GALNT18: variants seen among roughly 807,000 people sequenced by gnomAD.
GALNT18 encodes GalNAc-transferase 18.
In GALNT18, 44 loss-of-function variants were observed where a neutral mutation model predicts 69.5. The ratio of observed to expected loss-of-function variants is 0.63; its 90% CI spans 0.50 to 0.81. The LOEUF is 0.81. GALNT18 is among the 40% of genes least tolerant of loss of function. The pLI is 0.00. For missense variants in GALNT18, 715 were observed against 810.0 expected, an observed-to-expected ratio of 0.88 and a Z score of 1.42; for synonymous variants, 364 against 318.2, an observed-to-expected ratio of 1.14 and a Z score of -1.53.
At chr11:11,428,108 C>T (rs577248233) in intron 3 of GALNT18, among the ~76,000 whole-genome samples, 3 of 152,336 alleles carry the variant, frequency 2.0e-5, no homozygotes, top group East Asian at 1.9e-4. Flanking sequence ...TTAGTTGAAC[C>T]GAGCTGAGTT....
At chr11:11,329,676 G>A (rs1040106140) in intron 8 of GALNT18, among the ~76,000 whole-genome samples, 12 of 152,214 alleles carry the variant, frequency 7.9e-5, no homozygotes, top group Non-Finnish European at 5.9e-5. Flanking sequence ...TCATCAGACT[G>A]GGTCTCAGTC....
At chr11:11,492,503 T>C (rs149976993) in intron 1 of GALNT18, among the ~76,000 whole-genome samples, 106 of 152,274 alleles carry the variant, frequency 7.0e-4, no homozygotes, top group African/African-American at 2.4e-3. Context: ...AATCCAAATG[T>C]CCATCAATGA....
At position 11,444,359 on chromosome 11, in the gene GALNT18, C is replaced by T. The variant is rs967327499; in HGVS notation, c.428+4385G>A. Among the ~76,000 whole-genome samples the T allele has an allele frequency of 6.6e-5, 10 of 152,226 alleles. No individual in the cohort carries two copies. Among genetic ancestry groups the T allele is most frequent in the African/African-American group, 1.9e-4 (8 of 41,456 alleles). ...AAAGCCTGCGAGGACAAGTCCTCCC[C>T]GCCACGGAGCCTGGGAAATGGTCAG... On this transcript the variant is annotated intron_variant, in intron 2 of 10. Transcript: ENST00000227756. This position sits in a 1 kb window ranked among gnomAD's most constrained non-coding sequence, Gnocchi z 4.4.
At chr11:11,375,036 G>T (rs557702819) in intron 5 of GALNT18, among the ~76,000 whole-genome samples, 2 of 152,196 alleles carry the variant, frequency 1.3e-5, no homozygotes, top group Non-Finnish European at 2.9e-5. Context: ...TTCTCACGTG[G>T]ATTTTCTTAA....
intron 8 of GALNT18, among the ~76,000 whole-genome samples, chr11:11,330,998 G>A (rs531208662): frequency 5.8e-4 from 89 of 152,300 alleles, no homozygotes; most frequent in Non-Finnish European, 1.0e-3. Flanking sequence ...CCACAGCAGC[G>A]TAACTCTCCT....
intron 6 of GALNT18, among the ~76,000 whole-genome samples, chr11:11,342,652 T>G (rs1850229836): frequency 6.6e-6 from 1 of 152,232 alleles, no homozygotes; most frequent in South Asian, 2.1e-4. Context: ...GAAAGGAAAC[T>G]AACATCCTCA....
chr11:11,331,896 C>T (rs1316533913), intron 8 of GALNT18, among the ~76,000 whole-genome samples: 1 of 152,100 alleles, frequency 6.6e-6, no homozygotes, highest in African/African-American at 2.4e-5. Flanking sequence ...CGGCATTTGA[C>T]CTGTACGGTC....
chr11:11,285,316 C>T (rs1849172587), intron 10 of GALNT18, among the ~76,000 whole-genome samples: 2 of 152,136 alleles, frequency 1.3e-5, no homozygotes, highest in African/African-American at 4.8e-5. Flanking sequence ...GTTTCCTCCT[C>T]TGTAAAACTG....
intron 3 of GALNT18, among the ~76,000 whole-genome samples, chr11:11,427,594 C>A (rs1564943609): frequency 6.6e-6 from 1 of 152,170 alleles, no homozygotes; most frequent in Non-Finnish European, 1.5e-5. Flanking sequence ...AATTATACAT[C>A]TCAATTTTAC....
chr11:11,360,328 A>G (rs1476875154), intron 6 of GALNT18, among the ~76,000 whole-genome samples: 2 of 152,170 alleles, frequency 1.3e-5, no homozygotes, highest in South Asian at 2.1e-4. Flanking sequence ...TGCTCTCGCA[A>G]TGCATCAGGA....
At chr11:11,345,110 C>T (rs1292163969) in intron 6 of GALNT18, among the ~76,000 whole-genome samples, 1 of 152,166 alleles carries the variant, frequency 6.6e-6, no homozygotes, top group Non-Finnish European at 1.5e-5. Flanking sequence ...CAGAGGGGTA[C>T]ACAACGCTCC....
At chr11:11,493,012 C>T (rs1856803253) in intron 1 of GALNT18, among the ~76,000 whole-genome samples, 1 of 152,020 alleles carries the variant, frequency 6.6e-6, no homozygotes, top group African/African-American at 2.4e-5. Flanking sequence ...CCTGTAATCC[C>T]AGCACTTTGG....
At chr11:11,585,801 GTTTTTT>G (rs57051547) in intron 1 of GALNT18, among the ~76,000 whole-genome samples, 3 of 115,892 alleles carry the variant, frequency 2.6e-5, no homozygotes, top group African/African-American at 3.3e-5. Flanking sequence ...TTCTCAATAA[GTTTTTT>G]TTTTTTTTTT....
chr11:11,416,694 G>A (rs182310352), intron 3 of GALNT18, among the ~76,000 whole-genome samples: 9 of 152,186 alleles, frequency 5.9e-5, no homozygotes, highest in Admixed American at 2.6e-4. Context: ...GATGGCAGCC[G>A]CCACCACACC....
chr11:11,277,986 G>A (rs745466852), intron 10 of GALNT18, among the ~76,000 whole-genome samples: 3 of 152,130 alleles, frequency 2.0e-5, no homozygotes, highest in Non-Finnish European at 4.4e-5. Context: ...TGTTGATTTG[G>A]GTTGGAGAGT....
At chr11:11,515,599 C>T (rs970782813) in intron 1 of GALNT18, among the ~76,000 whole-genome samples, 1 of 152,104 alleles carries the variant, frequency 6.6e-6, no homozygotes. Flanking sequence ...GTCAGGTGGG[C>T]GATAAGTGAC....
intron 3 of GALNT18, among the ~76,000 whole-genome samples, chr11:11,384,315 G>T (rs1201880785): frequency 6.6e-6 from 1 of 152,132 alleles, no homozygotes; most frequent in Non-Finnish European, 1.5e-5. Context: ...TGAGTACTTT[G>T]TAAAGAACAG....
In GALNT18 at chr11:11,584,635, T is replaced by G. The variant is rs991979378; in HGVS notation, c.235+36724A>C. 3.3e-5 allele frequency among the ~76,000 whole-genome samples: 5 copies of G among 152,112 alleles called. No homozygotes were observed. Among genetic ancestry groups the G allele is most frequent in the Non-Finnish European group, 7.4e-5 (5 of 68,012 alleles). ...AAGAAGCAAACCCAATGAGTCACAG[T>G]GTAAATTATTCCTATTAGTCAGTGC... is the stretch of plus-strand genomic sequence containing the variant. On this transcript the variant is annotated intron_variant, in intron 1 of 10. Transcript: ENST00000227756. The surrounding 1 kb of genome is among the most constrained non-coding windows in gnomAD (Gnocchi z 4.1).
chr11:11,512,727 A>T (rs1022547254), intron 1 of GALNT18, among the ~76,000 whole-genome samples: 1 of 152,184 alleles, frequency 6.6e-6, no homozygotes, highest in African/African-American at 2.4e-5. Context: ...GTCTGGCGGC[A>T]CCTGAGGCCT....
Sources: allele counts gnomAD v4.1 joint callset (sites outside exome capture counted in the v4.1 genomes callset), GRCh38; gene constraint gnomAD v4.1.1; non-coding constraint Gnocchi (gnomAD v3.1); transcripts MANE v1.5; gene names NCBI Gene and HGNC (gene_info 2026-07-23, HGNC 2026-07-21).